CNTNAP3B: variants seen among roughly 807,000 people sequenced by gnomAD.
CNTNAP3B encodes the protein contactin associated protein family member 3B, also known as contactin-associated protein-like 3B.
Under a neutral mutation model 108.9 loss-of-function variants are expected in CNTNAP3B, and 25 were observed. That is an observed-to-expected ratio of 0.23 (90% CI 0.17 to 0.32). The LOEUF (loss-of-function observed/expected upper bound fraction) is 0.32, where lower values mean the gene tolerates loss of function less well. CNTNAP3B is among the 10% of genes least tolerant of loss of function. CNTNAP3B has a pLI of 1.00. For missense variants in CNTNAP3B, 252 were observed against 1,210.4 expected, an observed-to-expected ratio of 0.21 and a Z score of 11.75; for synonymous variants, 103 against 473.4, an observed-to-expected ratio of 0.22 and a Z score of 10.16.
chr9:42,100,584 T>C (rs1232517860), intron 2 of CNTNAP3B, among the ~76,000 whole-genome samples: 6 of 9,528 alleles, frequency 6.3e-4, no homozygotes, highest in African/African-American at 1.4e-3. Context: ...TAAAACTAAA[T>C]GCAATTCCAA....
chr9:42,123,641 A>C, intron 1 of CNTNAP3B, among the ~76,000 whole-genome samples: 1 of 135,488 alleles, frequency 7.4e-6, no homozygotes, highest in Non-Finnish European at 1.6e-5. Flanking sequence ...AGCCTTCTAA[A>C]AGATTCCCAA....
At chr9:41,948,252 C>T (rs917076459) in intron 13 of CNTNAP3B, among the ~76,000 whole-genome samples, 7 of 148,036 alleles carry the variant, frequency 4.7e-5, no homozygotes, top group African/African-American at 1.7e-4. Context: ...CCACCACACC[C>T]AACTAATTTT....
intron 8 of CNTNAP3B, among the ~76,000 whole-genome samples, chr9:41,990,883 C>T (rs1207021033): frequency 5.3e-4 from 74 of 139,044 alleles, no homozygotes; most frequent in Non-Finnish European, 8.6e-4. Flanking sequence ...TAGCATTTGC[C>T]CAACAAAAAC....
At chr9:41,950,529 C>T (rs1230897597) in intron 13 of CNTNAP3B, among the ~76,000 whole-genome samples, 1 of 113,996 alleles carries the variant, frequency 8.8e-6, no homozygotes, top group African/African-American at 3.3e-5. Context: ...ATATCCATGC[C>T]ACCGATTGCT....
At chr9:42,054,518 C>A (rs1252239335) in intron 3 of CNTNAP3B, among the ~76,000 whole-genome samples, 1 of 151,852 alleles carries the variant, frequency 6.6e-6, no homozygotes, top group Non-Finnish European at 1.5e-5. Flanking sequence ...GTGTTGAGCA[C>A]CTTGTACTTG....
At chr9:41,960,053 A>T (rs1431505346) in intron 12 of CNTNAP3B, 1 of 151,132 alleles carries the variant, frequency 6.6e-6, no homozygotes, top group Non-Finnish European at 1.4e-5. Flanking sequence ...GCTGGAGTGC[A>T]ATGGTGCAAT....
At chr9:41,930,569 C>A (rs1260415837) in intron 14 of CNTNAP3B, among the ~76,000 whole-genome samples, 40 of 151,464 alleles carry the variant, frequency 2.6e-4, no homozygotes, top group African/African-American at 8.7e-4. Context: ...AAACAAAAAA[C>A]CCCAAACACT....
At chr9:42,042,024 G>A (rs1826770008) in intron 3 of CNTNAP3B, among the ~76,000 whole-genome samples, 1 of 123,942 alleles carries the variant, frequency 8.1e-6, no homozygotes, top group Non-Finnish European at 1.7e-5. Flanking sequence ...CTCATAGGTG[G>A]GAATTGAACA....
intron 13 of CNTNAP3B, among the ~76,000 whole-genome samples, chr9:41,943,647 C>T (rs1328604633): frequency 6.7e-6 from 1 of 148,944 alleles, no homozygotes; most frequent in Non-Finnish European, 1.5e-5. Context: ...AGTCACCGCG[C>T]CCAGCCCTGT....
chr9:41,922,479 A>AAACAAAAAC lies in CNTNAP3B; in HGVS notation c.2755+189_2755+197dup, dbSNP rs1026821956. 1.4e-5 allele frequency among the ~76,000 whole-genome samples: 2 copies of AAACAAAAAC among 140,934 alleles called. 1 individual carries two copies. The allele number at this position is 140,934 out of a possible 152,430, so 92.5% of individuals were successfully genotyped here. A position where few individuals can be genotyped will look rare whatever the true frequency, so the allele number is the denominator to read the frequency against. On this transcript the variant is annotated intron_variant, in intron 17 of 23. Coordinates refer to ENST00000377561, the MANE Select transcript of CNTNAP3B (RefSeq NM_001201380.3). ...AGACTCTGTCTGAAAACAAAAATAA[A>AAACAAAAAC]AACAAAAACAAACAAACAAAAGAAA...
chr9:42,049,556 TC>T (rs1826937447), intron 3 of CNTNAP3B, among the ~76,000 whole-genome samples: 1 of 134,168 alleles, frequency 7.5e-6, no homozygotes, highest in Admixed American at 7.5e-5. Context: ...GCGGGTGGGG[TC>T]CCTATTCATG....
Position 41,998,653 on chromosome 9 carries a change from CA to C in CNTNAP3B, c.539-50del, listed in dbSNP as rs1161573028. The C allele has an allele frequency of 2.1e-5, 20 of 957,888 alleles. No individual in the cohort carries two copies. The East Asian group carries it at 5.3e-4, about 25-fold the overall frequency. The allele number at this position is 957,888 out of a possible 1,614,324, so 59.3% of individuals were successfully genotyped here. ...CAATTCTAAATATAAATATGCCATA[CA>C]GTAGCACATTGAAAATGTGTGCATC... On this transcript the variant is annotated intron_variant, in intron 4 of 23. Transcript: ENST00000377561.
At chr9:41,962,881 G>A (rs1277290233) in intron 11 of CNTNAP3B, among the ~76,000 whole-genome samples, 1 of 151,926 alleles carries the variant, frequency 6.6e-6, no homozygotes, top group African/African-American at 2.4e-5. Flanking sequence ...CGTGAACCCA[G>A]GAGGCGGAAC....
intron 10 of CNTNAP3B, among the ~76,000 whole-genome samples, chr9:41,964,980 TGTG>T (rs1475510355): frequency 2.0e-5 from 3 of 152,252 alleles, no homozygotes; most frequent in Admixed American, 6.5e-5. Context: ...GTTACTATAT[TGTG>T]GTCATTTTTA....
chr9:42,079,516 T>C (rs1827567324), intron 2 of CNTNAP3B, among the ~76,000 whole-genome samples: 1 of 123,232 alleles, frequency 8.1e-6, no homozygotes, highest in South Asian at 2.7e-4. Flanking sequence ...TTTGTTTTGT[T>C]TTGTTTTGTT....
In CNTNAP3B at chr9:42,015,530, C is replaced by A. The variant is rs555054737; in HGVS notation, c.391-2005G>T. Among the ~76,000 whole-genome samples, 7 of 93,476 alleles carry A rather than the reference C, an allele frequency of 7.5e-5. 3 individuals are homozygous for A. The highest frequency in any genetic ancestry group is 1.6e-4 in the Non-Finnish European group (7 of 44,830). The allele number at this position is 93,476 out of a possible 152,430, so 61.3% of individuals were successfully genotyped here. A position where few individuals can be genotyped will look rare whatever the true frequency, so the allele number is the denominator to read the frequency against. Reference sequence around the variant, plus strand: ...CACCTCAAACCCTGCTACTCTGCTGCAAGCTGCGGTTTCTTCATCTGTAAA... The same window carrying A: ...CACCTCAAACCCTGCTACTCTGCTGAAAGCTGCGGTTTCTTCATCTGTAAA... On this transcript the variant is annotated intron_variant, in intron 3 of 23. Transcript: ENST00000377561.
rs1827052012 is a variant in CNTNAP3B at position 42,055,618 on chromosome 9, GC to G, written c.390+21250del. ...AACTATACATTGAGAGAAACTGAAA[GC>G]ATCACTCTTTTTGCATTACCTCCAT... On this transcript the variant is annotated intron_variant, in intron 3 of 23. Coordinates refer to ENST00000377561, the MANE Select transcript of CNTNAP3B (RefSeq NM_001201380.3). Among the ~76,000 whole-genome samples the G allele has an allele frequency of 2.7e-5, 2 of 75,358 alleles. 1 individual carries two copies. Among genetic ancestry groups the G allele is most frequent in the South Asian group, 9.2e-4 (2 of 2,172 alleles). The allele number at this position is 75,358 out of a possible 152,430, so 49.4% of individuals were successfully genotyped here. A position where few individuals can be genotyped will look rare whatever the true frequency, so the allele number is the denominator to read the frequency against.
intron 9 of CNTNAP3B, among the ~76,000 whole-genome samples, chr9:41,972,837 T>C: frequency 7.3e-6 from 1 of 137,604 alleles, no homozygotes; most frequent in African/African-American, 2.9e-5. Context: ...GGATTATTAA[T>C]TCAATAAATA....
chr9:42,120,996 A>G (rs1423985601), intron 1 of CNTNAP3B, among the ~76,000 whole-genome samples: 1 of 138,872 alleles, frequency 7.2e-6, no homozygotes, highest in Non-Finnish European at 1.5e-5. Flanking sequence ...AAAAAATTAA[A>G]AAGTTCAGTG....
Sources: gnomAD v4.1 joint callset for allele counts (sites outside exome capture counted in the v4.1 genomes callset) on GRCh38, gnomAD v4.1.1 for gene constraint, MANE v1.5 for transcripts, NCBI Gene and HGNC (gene_info 2026-07-23, HGNC 2026-07-21) for gene names.